Variants in CLEC12A observed in about 807,000 individuals in gnomAD.
The protein encoded by CLEC12A is C-type lectin domain family 12 member A.
In CLEC12A, 22 loss-of-function variants were observed where a neutral mutation model predicts 26.5. That is an observed-to-expected ratio of 0.83 (90% CI 0.59 to 1.19). The LOEUF is 1.19. CLEC12A is among the 50% of genes most tolerant of loss of function. The pLI, the probability that CLEC12A is intolerant of heterozygous loss-of-function variation, is 0.00. For missense variants in CLEC12A, 353 were observed against 315.6 expected (o/e 1.12, Z -0.90); for synonymous variants, 119 against 101.9 (o/e 1.17, Z -1.01).
chr12:9,989,044 T>A (rs1369767277), downstream of CLEC12A, among the ~76,000 whole-genome samples: 3 of 151,908 alleles, frequency 2.0e-5, no homozygotes, highest in Non-Finnish European at 4.4e-5. Flanking sequence ...TAAAAAAGGA[T>A]GAGTTCATGT....
chr12:9,988,985 T>C (rs1206120626), downstream of CLEC12A, among the ~76,000 whole-genome samples: 1 of 152,082 alleles, frequency 6.6e-6, no homozygotes, highest in African/African-American at 2.4e-5. Flanking sequence ...AGTGATAGAC[T>C]GGATTAAGAA....
At chr12:9,995,121 TAA>T in exon 5 of CLEC12A, 1 of 1,610,346 alleles carries the variant, frequency 6.2e-7, no homozygotes, top group Non-Finnish European at 8.5e-7. Context: ...CCTCCTATTC[TAA>T]GTGTCCAGTG....
At chr12:9,959,851 T>C (rs538343650) in intron 1 of CLEC12A, among the ~76,000 whole-genome samples, 3 of 152,242 alleles carry the variant, frequency 2.0e-5, no homozygotes, top group Admixed American at 6.5e-5. Flanking sequence ...AAATGTTTAC[T>C]TGGAGACTGT....
chr12:9,965,719 G>A (rs1414510908), intron 1 of CLEC12A, among the ~76,000 whole-genome samples: 7 of 151,934 alleles, frequency 4.6e-5, no homozygotes, highest in Non-Finnish European at 8.8e-5. Context: ...TAAAATGGGG[G>A]AATTGTAAGG....
upstream of CLEC12A, chr12:9,971,332 A>C (rs74065430): frequency 8.3e-3 from 7,482 of 902,962 alleles, 420 homozygotes; most frequent in African/African-American, 0.12. Context: ...ATTGAGAAAA[A>C]GGAAGAAATA....
chr12:9,960,536 G>A (rs1476216012), intron 1 of CLEC12A, among the ~76,000 whole-genome samples: 1 of 152,218 alleles, frequency 6.6e-6, no homozygotes, highest in Admixed American at 6.5e-5. Context: ...TGATTATAGT[G>A]CCACATTTCC....
At chr12:9,984,826 A>G in intron 5 of CLEC12A, 44 bp from the exon 6 acceptor site, 1 of 1,379,736 alleles carries the variant, frequency 7.2e-7, no homozygotes. Context: ...AATATGTTTC[A>G]AATATCTGAC....
At chr12:9,998,473 T>A (rs940951811), downstream of CLEC12A, 2 of 841,612 alleles carry the variant, frequency 2.4e-6, no homozygotes, top group African/African-American at 1.7e-5. Context: ...CTTCTCAGGG[T>A]CCTCCAAGTA....
intron 4 of CLEC12A, among the ~76,000 whole-genome samples, chr12:9,994,496 T>C (rs1042801029): frequency 3.9e-5 from 6 of 152,086 alleles, no homozygotes; most frequent in African/African-American, 1.4e-4. Context: ...GAGACTGCAG[T>C]TTTGATATAC....
chr12:9,961,243 G>C (rs149606821), intron 1 of CLEC12A, among the ~76,000 whole-genome samples: 41 of 152,338 alleles, frequency 2.7e-4, no homozygotes, highest in African/African-American at 9.4e-4. Context: ...ATTAATGCCT[G>C]AGAGATATAA....
downstream of CLEC12A, among the ~76,000 whole-genome samples, chr12:9,987,240 C>T (rs951703968): frequency 1.2e-4 from 19 of 152,176 alleles, no homozygotes; most frequent in Non-Finnish European, 7.3e-5. Flanking sequence ...AGTATTTTCT[C>T]CTAATATCCC....
At chr12:9,963,464 G>A (rs1427205522) in intron 1 of CLEC12A, among the ~76,000 whole-genome samples, 2 of 141,346 alleles carry the variant, frequency 1.4e-5, no homozygotes, top group Non-Finnish European at 3.2e-5. Flanking sequence ...TAGCAGAGAA[G>A]ACACTAGAGA....
At chr12:9,959,930 C>A (rs1197907679) in intron 1 of CLEC12A, among the ~76,000 whole-genome samples, 1 of 152,128 alleles carries the variant, frequency 6.6e-6, no homozygotes, top group Non-Finnish European at 1.5e-5. Flanking sequence ...ATACATGAAA[C>A]AATTAGGGAA....
At chr12:9,986,042 C>CT, downstream of CLEC12A, 1 of 411,210 alleles carries the variant, frequency 2.4e-6, no homozygotes, top group Admixed American at 2.5e-5. Context: ...GGGAAGGGGG[C>CT]TTGTATAGTT....
downstream of CLEC12A, among the ~76,000 whole-genome samples, chr12:9,990,152 G>A (rs987313031): frequency 6.6e-6 from 1 of 152,042 alleles, no homozygotes; most frequent in Admixed American, 6.6e-5. Context: ...TGCTAACACA[G>A]CATCCTTTTC....
upstream of CLEC12A, among the ~76,000 whole-genome samples, chr12:9,968,579 G>A (rs557048469): frequency 6.6e-6 from 1 of 152,228 alleles, no homozygotes; most frequent in South Asian, 2.1e-4. Flanking sequence ...CACTTCTTTT[G>A]TGGTGGAATG....
At chr12:9,965,536 A>G (rs111930678) in intron 1 of CLEC12A, among the ~76,000 whole-genome samples, 43,084 of 148,886 alleles carry the variant, frequency 0.29, 6,537 homozygotes, top group East Asian at 0.46. Flanking sequence ...GTGCAAAGGA[A>G]TAGTAAAGAA....
downstream of CLEC12A, chr12:9,997,216 A>C (rs1865075340): frequency 1.2e-6 from 2 of 1,613,834 alleles, no homozygotes; most frequent in Non-Finnish European, 1.7e-6. Flanking sequence ...GCGCTTTGCT[A>C]ATTGTTGCAG....
At chr12:9,990,273 C>A (rs1242402918), downstream of CLEC12A, among the ~76,000 whole-genome samples, 1 of 152,094 alleles carries the variant, frequency 6.6e-6, no homozygotes, top group East Asian at 1.9e-4. Context: ...TATATCAGAG[C>A]AAAGTAAATT....
Sources: allele counts gnomAD v4.1 joint callset (sites outside exome capture counted in the v4.1 genomes callset), GRCh38; gene constraint gnomAD v4.1.1; transcripts MANE v1.5; gene names NCBI Gene and HGNC (gene_info 2026-07-23, HGNC 2026-07-21).